CSMD1: variants seen among roughly 807,000 people sequenced by gnomAD.
CSMD1 encodes CUB and sushi domain-containing protein 1.
CSMD1 carries 213 observed loss-of-function variants against 417.5 expected under a neutral mutation model. The observed-to-expected ratio is 0.51, with a 90% CI of 0.46 to 0.57. The LOEUF is 0.57. Among genes scored for constraint, CSMD1 ranks in the 20% least tolerant of loss-of-function variants. CSMD1 has a pLI of 0.00. For synonymous variants in CSMD1, 2,862 were observed against 1,736.8 expected (o/e 1.65, Z -16.11); for missense variants, 6,923 against 4,529.7 (o/e 1.53, Z -15.17).
In CSMD1 at chr8:4,425,432, G is replaced by A. The variant is rs55740503; in HGVS notation, c.303-5367C>T. On this transcript the variant is annotated intron_variant, in intron 2 of 69. Coordinates refer to ENST00000635120, the MANE Select transcript of CSMD1 (RefSeq NM_033225.6). Reference sequence around the variant, plus strand: ...ACATTAGTTGACAGGGATGCGGAAGGATGAGTGGATCCAATTGATCATAAA... The same window carrying A: ...ACATTAGTTGACAGGGATGCGGAAGAATGAGTGGATCCAATTGATCATAAA... Among the ~76,000 whole-genome samples, 296 of 151,672 alleles carry A rather than the reference G, an allele frequency of 2.0e-3. 1 individual carries two copies. Among genetic ancestry groups the A allele is most frequent in the Non-Finnish European group, 3.2e-3 (215 of 67,942 alleles).
chr8:4,604,410 T>TGTGTGTGCGCGC lies in CSMD1; in HGVS notation c.302+32931_302+32932insGCGCGCACACAC, dbSNP rs59349269. Among the ~76,000 whole-genome samples, 786 of 146,210 alleles carry TGTGTGTGCGCGC rather than the reference T, an allele frequency of 5.4e-3. 5 individuals are homozygous for TGTGTGTGCGCGC. The highest frequency in any genetic ancestry group is 0.012 in the South Asian group (55 of 4,490). On this transcript the variant is annotated intron_variant, in intron 2 of 69. Coordinates refer to ENST00000635120, the MANE Select transcript of CSMD1 (RefSeq NM_033225.6). Reference sequence around the variant, plus strand: ...GTGTGTGTGTGTGTGTGTGTGTGTGTGCGCGTGCGTAAAGACTAGGATCTC... The same window carrying TGTGTGTGCGCGC: ...GTGTGTGTGTGTGTGTGTGTGTGTGTGTGTGTGCGCGCGCGCGTGCGTAAAGACTAGGATCTC...
chr8:4,178,118 A>G (rs1310748458), intron 3 of CSMD1, among the ~76,000 whole-genome samples: 1 of 152,180 alleles, frequency 6.6e-6, no homozygotes, highest in Non-Finnish European at 1.5e-5. Flanking sequence ...CCTGGCAGAG[A>G]CACAACCAAA....
At chr8:4,651,787 A>T (rs1221099790) in intron 1 of CSMD1, among the ~76,000 whole-genome samples, 1 of 152,224 alleles carries the variant, frequency 6.6e-6, no homozygotes, top group African/African-American at 2.4e-5. Flanking sequence ...AAGCTGTGTG[A>T]TTATTAGGGG....
chr8:3,714,056 A>ATAGATAGG (rs1801681146), intron 6 of CSMD1, among the ~76,000 whole-genome samples: 1 of 151,610 alleles, frequency 6.6e-6, no homozygotes, highest in African/African-American at 2.4e-5. Context: ...AGATAGATAG[A>ATAGATAGG]TAGATGTCCA....
At chr8:3,894,022 A>T (rs1335519154) in intron 5 of CSMD1, among the ~76,000 whole-genome samples, 1 of 151,940 alleles carries the variant, frequency 6.6e-6, no homozygotes, top group Admixed American at 6.6e-5. Flanking sequence ...AAACTCCCAT[A>T]AAGGGAGTCT....
chr8:4,160,626 C>A (rs1244723351), intron 3 of CSMD1, among the ~76,000 whole-genome samples: 1 of 152,222 alleles, frequency 6.6e-6, no homozygotes, highest in Non-Finnish European at 1.5e-5. Flanking sequence ...CACTTTCTTG[C>A]AGACACTCTG....
At chr8:3,494,775 C>T (rs537986279) in intron 10 of CSMD1, among the ~76,000 whole-genome samples, 2 of 152,234 alleles carry the variant, frequency 1.3e-5, no homozygotes, top group East Asian at 3.9e-4. Context: ...ACAGGAGGAA[C>T]AGAAACCATA....
At chr8:3,702,239 C>A (rs1205412254) in intron 7 of CSMD1, 1 of 152,192 alleles carries the variant, frequency 6.6e-6, no homozygotes, top group South Asian at 2.1e-4. Context: ...ACTGCAAATG[C>A]TCCTCCGTAC....
At chr8:3,392,301 A>C (rs909318951) in intron 17 of CSMD1, among the ~76,000 whole-genome samples, 3 of 152,122 alleles carry the variant, frequency 2.0e-5, no homozygotes, top group African/African-American at 7.2e-5. Context: ...TCACTTGAAA[A>C]AAAATAATAA....
intron 2 of CSMD1, among the ~76,000 whole-genome samples, chr8:4,476,123 T>A (rs1800789916): frequency 6.6e-6 from 1 of 152,008 alleles, no homozygotes. Context: ...ATAAACAAGT[T>A]ACATTAACTA....
rs77700196 is a variant in CSMD1, at chr8:4,354,435, G to C, written c.415+65518C>G. Among the ~76,000 whole-genome samples, 391 of 152,238 alleles carry C rather than the reference G, an allele frequency of 2.6e-3. 2 individuals are homozygous for C. The highest frequency in any genetic ancestry group is 8.4e-3 in the African/African-American group (347 of 41,552). ...AGAACTGAAATAGCATGCTAGGAGA[G>C]AACACCAAACATCTGCGTTAGCTAA... On this transcript the variant is annotated intron_variant, in intron 3 of 69. Transcript: ENST00000635120.
chr8:3,298,904 G>A (rs552951684), intron 25 of CSMD1, among the ~76,000 whole-genome samples: 1 of 152,228 alleles, frequency 6.6e-6, no homozygotes, highest in Non-Finnish European at 1.5e-5. Context: ...TGGTTACATG[G>A]GGGTGTTTCT....
intron 26 of CSMD1, among the ~76,000 whole-genome samples, chr8:3,262,630 G>T (rs1295073696): frequency 6.6e-6 from 1 of 152,004 alleles, no homozygotes; most frequent in Admixed American, 6.6e-5. Flanking sequence ...GGAAGCACAG[G>T]TATTAAAGTA....
chr8:4,019,064 C>A (rs1585142357), intron 4 of CSMD1, among the ~76,000 whole-genome samples: 1 of 152,198 alleles, frequency 6.6e-6, no homozygotes, highest in South Asian at 2.1e-4. Context: ...AGATGCTACT[C>A]CATTTGCTAG....
At chr8:3,761,328 A>G (rs1185624603) in intron 5 of CSMD1, among the ~76,000 whole-genome samples, 1 of 152,166 alleles carries the variant, frequency 6.6e-6, no homozygotes, top group Non-Finnish European at 1.5e-5. Context: ...ACATATTTAC[A>G]TAGTTACCAA....
At chr8:4,155,489 A>C (rs974026276) in intron 3 of CSMD1, among the ~76,000 whole-genome samples, 2 of 152,214 alleles carry the variant, frequency 1.3e-5, no homozygotes. Flanking sequence ...TAGTTAAACA[A>C]GGGAAAGTAT....
At chr8:3,403,352 T>G (rs905156762) in intron 15 of CSMD1, among the ~76,000 whole-genome samples, 2 of 152,354 alleles carry the variant, frequency 1.3e-5, no homozygotes, top group African/African-American at 4.8e-5. Context: ...GGCTTTCTAT[T>G]TGTTTTCAGC....
intron 18 of CSMD1, chr8:3,373,270 C>T (rs1028871609): frequency 6.6e-6 from 1 of 152,064 alleles, no homozygotes; most frequent in Non-Finnish European, 1.5e-5. Flanking sequence ...TGTGCTCTGC[C>T]CTCTTTTTGA....
At chr8:3,442,059 A>T (rs1815019967) in intron 12 of CSMD1, among the ~76,000 whole-genome samples, 2 of 152,026 alleles carry the variant, frequency 1.3e-5, no homozygotes, top group African/African-American at 4.8e-5. Context: ...TTTTAAACAA[A>T]AAATTTTAAA....
Sources: gnomAD v4.1 joint callset for allele counts (sites outside exome capture counted in the v4.1 genomes callset) on GRCh38, gnomAD v4.1.1 for gene constraint, MANE v1.5 for transcripts, NCBI Gene and HGNC (gene_info 2026-07-23, HGNC 2026-07-21) for gene names.